The following RASAL2 variants were observed in gnomAD, a reference collection of about 807,000 sequenced individuals.
The protein encoded by RASAL2 is ras GTPase-activating protein nGAP.
Under a neutral mutation model 128.9 loss-of-function variants are expected in RASAL2, and 58 were observed. The ratio of observed to expected loss-of-function variants is 0.45; its 90% CI spans 0.36 to 0.56. RASAL2 has a LOEUF of 0.56. Ranked by LOEUF, RASAL2 falls within the 20% of genes least tolerant of loss-of-function variation. The pLI, the probability that RASAL2 is intolerant of heterozygous loss-of-function variation, is 0.00. For missense variants in RASAL2, 1,360 were observed against 1,601.6 expected (o/e 0.85, Z 2.57); for synonymous variants, 561 against 580.8 (o/e 0.97, Z 0.49).
chr1:178,130,393 A>G (rs939232021), intron 1 of RASAL2, among the ~76,000 whole-genome samples: 2 of 152,162 alleles, frequency 1.3e-5, no homozygotes, highest in Non-Finnish European at 2.9e-5. Flanking sequence ...GGGCCACTGT[A>G]TTTGTTTTGA....
At chr1:178,095,209 A>G (rs1366286828) in intron 1 of RASAL2, among the ~76,000 whole-genome samples, 1 of 152,244 alleles carries the variant, frequency 6.6e-6, no homozygotes, top group Non-Finnish European at 1.5e-5. Context: ...GCAACCACTT[A>G]TTCCAACGGG....
At chr1:178,174,909 T>C (rs1661832475) in intron 1 of RASAL2, among the ~76,000 whole-genome samples, 1 of 152,172 alleles carries the variant, frequency 6.6e-6, no homozygotes, top group Non-Finnish European at 1.5e-5. Context: ...GTGTAAATTA[T>C]TGTCAAATTG....
At chr1:178,402,490 G>A (rs1355608926) in intron 4 of RASAL2, among the ~76,000 whole-genome samples, 2 of 151,834 alleles carry the variant, frequency 1.3e-5, no homozygotes, top group African/African-American at 4.8e-5. Context: ...TGGAAAAACT[G>A]TTTGCAGTAT....
intron 2 of RASAL2, among the ~76,000 whole-genome samples, chr1:178,285,221 C>T (rs1227610781): frequency 7.3e-5 from 11 of 149,898 alleles, no homozygotes; most frequent in Admixed American, 2.7e-4. Context: ...CCCGGGTTCA[C>T]GCCATTCTCC....
chr1:178,120,893 G>A (rs1048768348), intron 1 of RASAL2: 1 of 152,288 alleles, frequency 6.6e-6, no homozygotes, highest in Non-Finnish European at 1.5e-5. Flanking sequence ...AGTAATGTGA[G>A]CCATGGCGAA....
chr1:178,125,138 A>G (rs1270670914), intron 1 of RASAL2, among the ~76,000 whole-genome samples: 2 of 152,158 alleles, frequency 1.3e-5, no homozygotes, highest in African/African-American at 4.8e-5. Flanking sequence ...GCTTCCTTTA[A>G]TCTTATTTCC....
intron 3 of RASAL2, among the ~76,000 whole-genome samples, chr1:178,376,477 CAA>C (rs1671993935): frequency 1.3e-5 from 2 of 152,110 alleles, no homozygotes; most frequent in East Asian, 3.9e-4. Flanking sequence ...ACTAAGAAAA[CAA>C]AACATTTTAT....
chr1:178,275,949 T>C (rs763090151), intron 1 of RASAL2, among the ~76,000 whole-genome samples: 5 of 152,206 alleles, frequency 3.3e-5, no homozygotes, highest in Admixed American at 2.0e-4. Context: ...TAAATTTATT[T>C]CGGCAAATAG....
rs1448811190 is a variant in RASAL2, at chr1:178,163,438, A to G, written c.202+68744A>G. On this transcript the variant is annotated intron_variant, in intron 1 of 17. Coordinates refer to ENST00000367649, the MANE Select transcript of RASAL2 (RefSeq NM_170692.4). ...CTTCTAAGAGTTTTCTAGTTTTAGCATATATATTTAGGTCTTTGATCCTGT... is the reference window on the plus strand; with the variant it reads ...CTTCTAAGAGTTTTCTAGTTTTAGCGTATATATTTAGGTCTTTGATCCTGT... Among the ~76,000 whole-genome samples the G allele has an allele frequency of 2.6e-5, 4 of 152,112 alleles. No individual in the cohort carries two copies. In the East Asian group the frequency reaches 5.8e-4, roughly 22 times the overall value.
At chr1:178,213,240 C>A (rs1450088463) in intron 1 of RASAL2, among the ~76,000 whole-genome samples, 1 of 152,142 alleles carries the variant, frequency 6.6e-6, no homozygotes, top group Admixed American at 6.5e-5. Flanking sequence ...AACGAGGTCT[C>A]ACTATGTTGC....
chr1:178,250,342 CCAGT>C (rs1558141794), intron 1 of RASAL2, among the ~76,000 whole-genome samples: 1 of 152,170 alleles, frequency 6.6e-6, no homozygotes, highest in Non-Finnish European at 1.5e-5. Flanking sequence ...TGAGTTCTGC[CCAGT>C]CCAAACTCCC....
At chr1:178,303,398 CAGA>C (rs949969860) in intron 3 of RASAL2, among the ~76,000 whole-genome samples, 29 of 151,722 alleles carry the variant, frequency 1.9e-4, no homozygotes, top group African/African-American at 6.3e-4. Flanking sequence ...TGGGCCACAT[CAGA>C]AGAAGAATTG....
chr1:178,301,123 T>C (rs553091334), intron 3 of RASAL2, among the ~76,000 whole-genome samples: 1 of 152,316 alleles, frequency 6.6e-6, no homozygotes, highest in African/African-American at 2.4e-5. Context: ...TTGAATCTTT[T>C]ATTTTTCTTT....
intron 1 of RASAL2, among the ~76,000 whole-genome samples, chr1:178,196,661 C>T (rs1022605402): frequency 6.6e-6 from 1 of 152,182 alleles, no homozygotes; most frequent in Admixed American, 6.5e-5. Flanking sequence ...TATGCAAATA[C>T]TACACCATCT....
chr1:178,171,975 A>G (rs1039237263), intron 1 of RASAL2, among the ~76,000 whole-genome samples: 2 of 151,886 alleles, frequency 1.3e-5, no homozygotes, highest in African/African-American at 4.8e-5. Context: ...TGCCTTACCA[A>G]CGTTTCCCTT....
At chr1:178,318,821 T>G (rs1443999162) in intron 3 of RASAL2, among the ~76,000 whole-genome samples, 1 of 152,130 alleles carries the variant, frequency 6.6e-6, no homozygotes, top group African/African-American at 2.4e-5. Flanking sequence ...TATGTGTGAA[T>G]TTGATCCTGT....
intron 15 of RASAL2, 109 bp from the exon 16 acceptor site, chr1:178,465,805 AAAAAAG>A: frequency 2.9e-6 from 3 of 1,034,794 alleles, no homozygotes; most frequent in African/African-American, 1.7e-5. Flanking sequence ...CTTTTGTTAA[AAAAAAG>A]AAAAAAGAAA....
intron 3 of RASAL2, among the ~76,000 whole-genome samples, chr1:178,327,348 T>A (rs1669085397): frequency 1.3e-5 from 2 of 152,070 alleles, no homozygotes; most frequent in South Asian, 4.1e-4. Flanking sequence ...ATTTTTATTT[T>A]ATTTATTTAT....
At chr1:178,187,365 C>T (rs1001682970) in intron 1 of RASAL2, among the ~76,000 whole-genome samples, 1 of 152,048 alleles carries the variant, frequency 6.6e-6, no homozygotes, top group African/African-American at 2.4e-5. Context: ...TTTTTTAATT[C>T]TAGAACTTCT....
Sources: allele counts gnomAD v4.1 joint callset (sites outside exome capture counted in the v4.1 genomes callset), GRCh38; gene constraint gnomAD v4.1.1; transcripts MANE v1.5; gene names NCBI Gene and HGNC (gene_info 2026-07-23, HGNC 2026-07-21).